Variants in PRKCE observed in about 807,000 individuals in gnomAD.
PRKCE encodes the protein protein kinase C epsilon type.
PRKCE carries 16 observed loss-of-function variants against 85.4 expected under a neutral mutation model. The ratio of observed to expected loss-of-function variants is 0.19; its 90% CI spans 0.13 to 0.28. The LOEUF is 0.28. Among genes scored for constraint, PRKCE ranks in the 10% least tolerant of loss-of-function variants. The pLI is 1.00. For synonymous variants in PRKCE, 388 were observed against 371.5 expected (o/e 1.04, Z -0.51); for missense variants, 573 against 975.2 (o/e 0.59, Z 5.49).
chr2:45,790,214 A>G lies in PRKCE; in HGVS notation c.349-52786A>G, dbSNP rs974040225. 3.9e-5 allele frequency among the ~76,000 whole-genome samples: 6 copies of G among 152,356 alleles called. No individual in the cohort carries two copies. The South Asian group carries it at 1.2e-3, about 32-fold the overall frequency. ...GAGCATCCTTCAGCCTTTGGATGAAATGTGCAGCTGAATGAGGAATGCTGA... is the reference window on the plus strand; with the variant it reads ...GAGCATCCTTCAGCCTTTGGATGAAGTGTGCAGCTGAATGAGGAATGCTGA... On this transcript the variant is annotated intron_variant, in intron 1 of 14. Coordinates refer to ENST00000306156, the MANE Select transcript of PRKCE (RefSeq NM_005400.3).
At chr2:45,726,457 C>T (rs577275756) in intron 1 of PRKCE, among the ~76,000 whole-genome samples, 27 of 152,234 alleles carry the variant, frequency 1.8e-4, no homozygotes, top group Non-Finnish European at 3.5e-4. Flanking sequence ...TCCCCAGCAG[C>T]AAAAAGATTA....
chr2:45,723,911 G>A (rs766326472), intron 1 of PRKCE, among the ~76,000 whole-genome samples: 1 of 152,088 alleles, frequency 6.6e-6, no homozygotes, highest in Non-Finnish European at 1.5e-5. Flanking sequence ...CCCAATACAT[G>A]TTCTTTTAAT....
chr2:45,868,319 CAAAAAAAAAAA>C (rs371501864), intron 2 of PRKCE, among the ~76,000 whole-genome samples: 6 of 35,998 alleles, frequency 1.7e-4, no homozygotes, highest in African/African-American at 4.3e-4. Context: ...CTTTCCTGTC[CAAAAAAAAAAA>C]AAAAAAAAAA....
rs891166496 is a variant in PRKCE, at chr2:46,138,868, G to A, written c.1593-6225G>A. Among the ~76,000 whole-genome samples, 2 of 152,126 alleles carry A rather than the reference G, an allele frequency of 1.3e-5. No individual in the cohort carries two copies. The highest frequency in any genetic ancestry group is 2.4e-5 in the African/African-American group (1 of 41,420). ...TTATCCAGTCCCAAATGTCAATCTC[G>A]TCCCAGCATGCCAAGGTTAAGACAC... On this transcript the variant is annotated intron_variant, in intron 11 of 14. Coordinates refer to ENST00000306156, the MANE Select transcript of PRKCE (RefSeq NM_005400.3). This position sits in a 1 kb window ranked among gnomAD's most constrained non-coding sequence, Gnocchi z 4.2.
chr2:45,904,531 G>A (rs1027472029), intron 2 of PRKCE, among the ~76,000 whole-genome samples: 2 of 152,150 alleles, frequency 1.3e-5, no homozygotes, highest in Non-Finnish European at 2.9e-5. Context: ...TGAGCCTTTT[G>A]AGAAGGCAGA....
chr2:45,858,711 T>G (rs571112505), intron 2 of PRKCE, among the ~76,000 whole-genome samples: 8 of 152,320 alleles, frequency 5.3e-5, no homozygotes, highest in Admixed American at 1.3e-4. Context: ...TCCCAAGTAA[T>G]GTATTGTTTT....
chr2:45,859,001 G>C (rs544524206), intron 2 of PRKCE, among the ~76,000 whole-genome samples: 1 of 151,684 alleles, frequency 6.6e-6, no homozygotes, highest in Admixed American at 6.6e-5. Flanking sequence ...AGGTCAGGGC[G>C]TTGTATTCCA....
At chr2:46,013,963 A>G (rs2104822113) in intron 10 of PRKCE, among the ~76,000 whole-genome samples, 1 of 152,352 alleles carries the variant, frequency 6.6e-6, no homozygotes, top group Non-Finnish European at 1.5e-5. Flanking sequence ...GGCATCAGTC[A>G]TGATGACATA....
intron 12 of PRKCE, among the ~76,000 whole-genome samples, chr2:46,148,867 T>G (rs1231557598): frequency 6.6e-6 from 1 of 152,186 alleles, no homozygotes; most frequent in Non-Finnish European, 1.5e-5. Flanking sequence ...GGAGTTGGCA[T>G]TGGCTTTGGA....
intron 3 of PRKCE, chr2:45,977,958 C>T (rs1702590276): frequency 6.6e-6 from 1 of 152,222 alleles, no homozygotes; most frequent in Non-Finnish European, 1.5e-5. Flanking sequence ...CAGCCAGGGA[C>T]ATCTGCACTG....
intron 10 of PRKCE, among the ~76,000 whole-genome samples, chr2:46,055,151 T>G (rs1450882771): frequency 6.6e-6 from 1 of 152,264 alleles, no homozygotes; most frequent in African/African-American, 2.4e-5. Context: ...CTGTTCATAC[T>G]TAAATCACCA....
At chr2:45,960,524 C>T (rs535356440) in intron 2 of PRKCE, among the ~76,000 whole-genome samples, 8 of 152,222 alleles carry the variant, frequency 5.3e-5, no homozygotes, top group African/African-American at 9.6e-5. Flanking sequence ...AGATCCCTCA[C>T]GTGTGCAGTT....
intron 2 of PRKCE, among the ~76,000 whole-genome samples, chr2:45,847,496 C>G (rs756560293): frequency 1.3e-5 from 2 of 152,222 alleles, no homozygotes; most frequent in Non-Finnish European, 1.5e-5. Flanking sequence ...GTGATCAAAC[C>G]AGCTTCGCTT....
chr2:45,987,860 C>A (rs1353515841), intron 6 of PRKCE, among the ~76,000 whole-genome samples: 1 of 152,240 alleles, frequency 6.6e-6, no homozygotes, highest in Non-Finnish European at 1.5e-5. Flanking sequence ...CCTGTAGACT[C>A]CTTACCCTGT....
intron 10 of PRKCE, among the ~76,000 whole-genome samples, chr2:46,063,861 G>T (rs1309458297): frequency 6.6e-6 from 1 of 152,190 alleles, no homozygotes; most frequent in Non-Finnish European, 1.5e-5. Context: ...CCTGAGAGAA[G>T]GGTGGAGTAT....
chr2:45,698,768 A>T lies in PRKCE; in HGVS notation c.348+46320A>T, dbSNP rs190270221. On this transcript the variant is annotated intron_variant, in intron 1 of 14. Coordinates refer to ENST00000306156, the MANE Select transcript of PRKCE (RefSeq NM_005400.3). ...AAACAGCCAATCTGAGAATGCCCTG[A>T]GGGTGGCCAAGGACAGACTTGTGGA... 1.5e-3 allele frequency among the ~76,000 whole-genome samples: 222 copies of T among 152,278 alleles called. 2 individuals are homozygous for T. The highest frequency in any genetic ancestry group is 0.013 in the East Asian group (69 of 5,178).
intron 4 of PRKCE, among the ~76,000 whole-genome samples, chr2:45,979,373 C>CCTCCCTGT (rs1702704224): frequency 6.6e-6 from 1 of 152,132 alleles, no homozygotes; most frequent in African/African-American, 2.4e-5. Flanking sequence ...CTGCCAGATC[C>CCTCCCTGT]CTCCCTGTCT....
intron 1 of PRKCE, among the ~76,000 whole-genome samples, chr2:45,802,222 A>G (rs895693670): frequency 6.6e-6 from 1 of 152,076 alleles, no homozygotes; most frequent in East Asian, 1.9e-4. Flanking sequence ...CTATGATCAC[A>G]CTCCAGCCTG....
Position 46,065,609 on chromosome 2 carries a change from A to G in PRKCE, c.1438-20599A>G, listed in dbSNP as rs559056152. Among the ~76,000 whole-genome samples the G allele has an allele frequency of 5.9e-5, 9 of 152,300 alleles. No homozygotes were observed. In the East Asian group the frequency reaches 1.5e-3, roughly 26 times the overall value. Reference sequence around the variant, plus strand: ...TAAATTTAGAGAAATTACTTTTCAGATCGACTTTCCTGTTCTAAAATTACA... The same window carrying G: ...TAAATTTAGAGAAATTACTTTTCAGGTCGACTTTCCTGTTCTAAAATTACA... On this transcript the variant is annotated intron_variant, in intron 10 of 14. Transcript: ENST00000306156.
Sources: allele counts gnomAD v4.1 joint callset (sites outside exome capture counted in the v4.1 genomes callset), GRCh38; gene constraint gnomAD v4.1.1; non-coding constraint Gnocchi (gnomAD v3.1); transcripts MANE v1.5; gene names NCBI Gene and HGNC (gene_info 2026-07-23, HGNC 2026-07-21).